Variants in SGPP1 observed in about 807,000 individuals in gnomAD.
SGPP1 encodes hSPP1.
Under a neutral mutation model 33.0 loss-of-function variants are expected in SGPP1, and 21 were observed. The observed-to-expected ratio is 0.64, with a 90% CI of 0.45 to 0.92. SGPP1 has a LOEUF of 0.92. SGPP1 is among the 40% of genes least tolerant of loss of function. SGPP1 has a pLI of 0.00. For synonymous variants in SGPP1, 239 were observed against 241.2 expected (o/e 0.99, Z 0.08); for missense variants, 543 against 589.4 (o/e 0.92, Z 0.81).
rs551660506 is a variant in SGPP1, at chr14:63,685,279, T to C, written c.*826A>G. On this transcript the variant is annotated 3_prime_UTR_variant, in exon 3 of 3. Transcript: ENST00000247225. Reference sequence around the variant, plus strand: ...ATTTTTTAAAATATTTGCTTGATTATATGTAACTTAAGATAAAGTTAATGT... The same window carrying C: ...ATTTTTTAAAATATTTGCTTGATTACATGTAACTTAAGATAAAGTTAATGT... The C allele has an allele frequency of 6.6e-6, 1 of 152,656 alleles. No homozygotes were observed. The highest frequency in any genetic ancestry group is 2.4e-5 in the African/African-American group (1 of 41,570). The allele number at this position is 152,656 out of a possible 1,614,324, so 9.5% of individuals were successfully genotyped here.
chr14:63,698,705 T>C lies in SGPP1; in HGVS notation c.685-47A>G, dbSNP rs187641150. The C allele has an allele frequency of 1.6e-5, 17 of 1,072,896 alleles. No homozygotes were observed. The East Asian group carries it at 3.5e-4, about 22-fold the overall frequency. The allele number at this position is 1,072,896 out of a possible 1,614,324, so 66.5% of individuals were successfully genotyped here. On this transcript the variant is annotated intron_variant, in intron 1 of 2. Coordinates refer to ENST00000247225, the MANE Select transcript of SGPP1 (RefSeq NM_030791.4). ...ATTAGTTAAACAAATTTAAGTTAGA[T>C]ATAAACAAACAAATAAAAGACAAAT...
intron 1 of SGPP1, among the ~76,000 whole-genome samples, chr14:63,723,093 T>A (rs1183812831): frequency 6.6e-6 from 1 of 152,102 alleles, no homozygotes; most frequent in East Asian, 1.9e-4. Flanking sequence ...GCTTTAAAAA[T>A]TAAGAAATTT....
At chr14:63,700,120 C>A (rs1298798917) in intron 1 of SGPP1, among the ~76,000 whole-genome samples, 1 of 151,668 alleles carries the variant, frequency 6.6e-6, no homozygotes, top group Non-Finnish European at 1.5e-5. Flanking sequence ...GTATCTCAAA[C>A]TCCTGAGTTC....
chr14:63,708,801 T>C (rs1470199222), intron 1 of SGPP1, among the ~76,000 whole-genome samples: 3 of 152,166 alleles, frequency 2.0e-5, no homozygotes, highest in East Asian at 1.9e-4. Flanking sequence ...CCTCATTTTA[T>C]AGATGAAACT....
chr14:63,692,008 C>T (rs976463477), intron 2 of SGPP1, among the ~76,000 whole-genome samples: 7 of 152,098 alleles, frequency 4.6e-5, no homozygotes, highest in Non-Finnish European at 1.0e-4. Flanking sequence ...ATTCTTTAGA[C>T]TCATCACATT....
At chr14:63,715,776 G>C (rs558967486) in intron 1 of SGPP1, among the ~76,000 whole-genome samples, 1 of 152,198 alleles carries the variant, frequency 6.6e-6, no homozygotes, top group Admixed American at 6.6e-5. Flanking sequence ...TGCTGGCTGA[G>C]TACTAATCTG....
intron 1 of SGPP1, among the ~76,000 whole-genome samples, chr14:63,720,621 G>T (rs1011595568): frequency 6.6e-6 from 1 of 151,836 alleles, no homozygotes; most frequent in Non-Finnish European, 1.5e-5. Flanking sequence ...TTAGCCGGGC[G>T]TGATGGTGGA....
At chr14:63,719,000 ATATATATATATATATTTTTTTTTTTTTT>A (rs1368428599) in intron 1 of SGPP1, among the ~76,000 whole-genome samples, 2 of 24,280 alleles carry the variant, frequency 8.2e-5, no homozygotes, top group African/African-American at 3.5e-4. Context: ...ATATATATAT[ATATATATATATATATTTTTTTTTTTTTT>A]TTTTTTTTTT....
chr14:63,687,537 G>C (rs181230395), intron 2 of SGPP1, among the ~76,000 whole-genome samples: 1 of 152,146 alleles, frequency 6.6e-6, no homozygotes, highest in Non-Finnish European at 1.5e-5. Context: ...TGAAGGACCC[G>C]ATTAGAGTAC....
chr14:63,714,192 G>T (rs1042628564), intron 1 of SGPP1, among the ~76,000 whole-genome samples: 1 of 152,128 alleles, frequency 6.6e-6, no homozygotes, highest in African/African-American at 2.4e-5. Flanking sequence ...CTTAATAAAC[G>T]AAGTGATGTA....
At chr14:63,723,214 AT>A (rs1037809430) in intron 1 of SGPP1, among the ~76,000 whole-genome samples, 1 of 151,874 alleles carries the variant, frequency 6.6e-6, no homozygotes, top group Non-Finnish European at 1.5e-5. Context: ...TTATTTCTTA[AT>A]TTTTTTTCCA....
chr14:63,717,669 G>GA (rs1261317543), intron 1 of SGPP1, among the ~76,000 whole-genome samples: 1 of 151,898 alleles, frequency 6.6e-6, no homozygotes, highest in Non-Finnish European at 1.5e-5. Context: ...GAAGGGAGAG[G>GA]AAAAAAATTC....
chr14:63,694,292 A>G (rs933239342), intron 2 of SGPP1, among the ~76,000 whole-genome samples: 1 of 152,094 alleles, frequency 6.6e-6, no homozygotes, highest in Non-Finnish European at 1.5e-5. Context: ...AAAGAAAAAA[A>G]AAAAAGAAAA....
intron 2 of SGPP1, among the ~76,000 whole-genome samples, chr14:63,689,167 A>C (rs1885044837): frequency 6.6e-6 from 1 of 152,206 alleles, no homozygotes; most frequent in African/African-American, 2.4e-5. Context: ...ATATCTATGA[A>C]ATCACTTCCC....
chr14:63,686,678 G>T (rs372750221), intron 2 of SGPP1, 22 bp from the exon 3 acceptor site: 4 of 1,518,790 alleles, frequency 2.6e-6, no homozygotes, highest in Admixed American at 1.8e-5. Flanking sequence ...TAAAAGTATC[G>T]TTGTTTAGTA....
chr14:63,684,349 A>G lies in SGPP1; in HGVS notation c.*1756T>C, dbSNP rs1431406758. ...GACATAAAAATCAACAGGATAGCAT[A>G]GGCCCAAATTATGGGAAACGGTCCC... On this transcript the variant is annotated 3_prime_UTR_variant, in exon 3 of 3. Transcript: ENST00000247225. 6.6e-6 allele frequency: 1 copy of G among 152,126 alleles called. No homozygotes were observed. Among genetic ancestry groups the G allele is most frequent in the Middle Eastern group, 3.2e-3 (1 of 316 alleles). The allele number at this position is 152,126 out of a possible 1,614,324, so 9.4% of individuals were successfully genotyped here.
intron 1 of SGPP1, among the ~76,000 whole-genome samples, chr14:63,716,865 G>A (rs1273612408): frequency 6.6e-6 from 1 of 151,854 alleles, no homozygotes; most frequent in African/African-American, 2.4e-5. Flanking sequence ...GCTAATTTTT[G>A]TATTTTTAGT....
At chr14:63,697,121 G>GCAT (rs1237822139) in intron 2 of SGPP1, among the ~76,000 whole-genome samples, 1 of 152,024 alleles carries the variant, frequency 6.6e-6, no homozygotes, top group African/African-American at 2.4e-5. Flanking sequence ...CCAAATCTTG[G>GCAT]CATCACACAA....
At position 63,686,609 on chromosome 14, in the gene SGPP1, G is replaced by T; in HGVS notation, c.822C>A (p.Phe274Leu). 1 of 1,613,468 alleles carries T rather than the reference G, an allele frequency of 6.2e-7. No individual in the cohort carries two copies. Among genetic ancestry groups the T allele is most frequent in the Non-Finnish European group, 8.5e-7 (1 of 1,179,556 alleles). Residue 274 changes from phenylalanine to leucine, a missense_variant, in exon 3 of 3, where the codon TTC (phenylalanine) becomes TTA (leucine). Phe to Leu is a conservative substitution (Grantham distance 22, BLOSUM62 0). Coordinates refer to ENST00000247225, the MANE Select transcript of SGPP1 (RefSeq NM_030791.4). ...TGTCAATCAGGTCCACAAATGGATA[G>T]AAGACAGCTAAGATTAAAATGGTAT... ...FLYTILILAV[F>L]YPFVDLIDNF...
Sources: allele counts gnomAD v4.1 joint callset (sites outside exome capture counted in the v4.1 genomes callset), GRCh38; gene constraint gnomAD v4.1.1; transcripts MANE v1.5; gene names NCBI Gene and HGNC (gene_info 2026-07-23, HGNC 2026-07-21).